The following CFAP47 variants were observed in gnomAD, a reference collection of about 807,000 sequenced individuals.
The protein encoded by CFAP47 is cilia and flagella associated protein 47, also known as cilia- and flagella-associated protein 47.
A neutral mutation model predicts 148.1 loss-of-function variants in CFAP47; 29 were observed. The observed-to-expected ratio is 0.20, with a 90% CI of 0.15 to 0.27. The LOEUF is 0.27. CFAP47 is among the 10% of genes least tolerant of loss of function. CFAP47 has a pLI of 1.00. For missense variants in CFAP47, 1,872 were observed against 1,697.5 expected (o/e 1.10, Z -1.81); for synonymous variants, 664 against 577.3 (o/e 1.15, Z -2.15).
intron 60 of CFAP47, among the ~76,000 whole-genome samples, chrX:36,355,563 G>A (rs6632583): frequency 0.11 from 11,865 of 111,299 alleles, 519 homozygotes; most frequent in East Asian, 0.26. Flanking sequence ...ATTCTATAAT[G>A]TGCAATATCA....
chrX:36,158,654 G>T (rs773541763), intron 37 of CFAP47, among the ~76,000 whole-genome samples: 1 of 112,091 alleles, frequency 8.9e-6, no homozygotes, highest in East Asian at 2.8e-4. Context: ...AAACTGTCTG[G>T]TGACAGTCTC....
chrX:36,180,305 A>G (rs755772285), intron 40 of CFAP47, among the ~76,000 whole-genome samples: 3 of 112,278 alleles, frequency 2.7e-5, no homozygotes, highest in South Asian at 3.7e-4. Flanking sequence ...GAATCACTAT[A>G]TAAAGTTAAG....
intron 2 of CFAP47, among the ~76,000 whole-genome samples, chrX:35,940,909 T>G (rs149029658): frequency 1.2e-4 from 13 of 111,535 alleles, no homozygotes; most frequent in Admixed American, 3.8e-4. Flanking sequence ...GGAAAATAAA[T>G]TGTACTTACA....
At chrX:35,941,151 AC>A (rs1457685361) in intron 2 of CFAP47, 131 bp from the exon 3 acceptor site, 1 of 371,652 alleles carries the variant, frequency 2.7e-6, no homozygotes, top group African/African-American at 2.7e-5. Flanking sequence ...CAAACATGCC[AC>A]CAGTAGACCT....
At chrX:36,171,008 A>G (rs1360217253) in intron 39 of CFAP47, among the ~76,000 whole-genome samples, 1 of 110,702 alleles carries the variant, frequency 9.0e-6, no homozygotes, top group Non-Finnish European at 1.9e-5. Flanking sequence ...GTGAAATGGT[A>G]TCTCATTGTG....
intron 49 of CFAP47, among the ~76,000 whole-genome samples, chrX:36,262,475 T>G (rs1243826218): frequency 8.9e-6 from 1 of 112,234 alleles, no homozygotes; most frequent in African/African-American, 3.2e-5. Flanking sequence ...ATGTTTGTCT[T>G]TCTGTGCCTG....
chrX:36,342,591 C>T (rs1941662939), intron 57 of CFAP47, among the ~76,000 whole-genome samples: 1 of 110,581 alleles, frequency 9.0e-6, no homozygotes, highest in South Asian at 3.7e-4. Context: ...ATGAAGCTAG[C>T]ATTTCAAATT....
At chrX:36,169,036 T>C (rs979092756) in intron 39 of CFAP47, among the ~76,000 whole-genome samples, 2 of 111,672 alleles carry the variant, frequency 1.8e-5, no homozygotes, top group East Asian at 5.6e-4. Flanking sequence ...GGAGAGTTTT[T>C]TCTGTATACA....
chrX:35,955,281 T>C (rs867665572), intron 7 of CFAP47, among the ~76,000 whole-genome samples: 99 of 112,239 alleles, frequency 8.8e-4, no homozygotes, highest in African/African-American at 3.2e-3. Context: ...TTTTGGTTGC[T>C]AAGGCAAAAA....
Position 36,301,187 on chromosome X carries a change from C to G in CFAP47, c.7970+8C>G. 1 of 1,014,453 alleles carries G rather than the reference C, an allele frequency of 9.9e-7. No homozygotes were observed. The highest frequency in any genetic ancestry group is 1.3e-6 in the Non-Finnish European group (1 of 741,254). The allele number at this position is 1,014,453 out of a possible 1,213,427, so 83.6% of individuals were successfully genotyped here. ...ACAGTGCGACCTTGGCAAGTAAGTTCTACTTAATAGATAAAGTTATTGCTT... is the reference window on the plus strand; with the variant it reads ...ACAGTGCGACCTTGGCAAGTAAGTTGTACTTAATAGATAAAGTTATTGCTT... On this transcript the variant is annotated splice_region_variant and intron_variant, in intron 53 of 63. Transcript: ENST00000378653.
intron 11 of CFAP47, among the ~76,000 whole-genome samples, chrX:35,971,182 T>C (rs1318557402): frequency 5.4e-5 from 6 of 111,978 alleles, no homozygotes; most frequent in Non-Finnish European, 1.1e-4. Context: ...GAGTGTGTGC[T>C]CTCGGGAGAA....
At chrX:35,946,839 TTAAG>T (rs1347017288) in intron 3 of CFAP47, among the ~76,000 whole-genome samples, 1 of 111,738 alleles carries the variant, frequency 8.9e-6, no homozygotes, top group African/African-American at 3.3e-5. Flanking sequence ...TGGCCATACT[TTAAG>T]TACTGCTTAG....
chrX:36,174,459 G>T lies in CFAP47; in HGVS notation c.6027-4886G>T, dbSNP rs367652432. Among the ~76,000 whole-genome samples, 409 of 105,608 alleles carry T rather than the reference G, an allele frequency of 3.9e-3. 4 individuals carry two copies. The highest frequency in any genetic ancestry group is 0.013 in the African/African-American group (367 of 28,036). The allele number at this position is 105,608 out of a possible 115,157, so 91.7% of individuals were successfully genotyped here. ...GGTACCGGTTGTTCCTTTCCATGTT[G>T]AGTGCTTCCTTCAGGAGCTCTTTTA... On this transcript the variant is annotated intron_variant, in intron 39 of 63. Coordinates refer to ENST00000378653, the MANE Select transcript of CFAP47 (RefSeq NM_001304548.2).
intron 59 of CFAP47, among the ~76,000 whole-genome samples, chrX:36,350,690 TTA>T (rs201473669): frequency 0.018 from 1,861 of 102,684 alleles, 40 homozygotes; most frequent in African/African-American, 0.063. Context: ...TATTATTTAT[TTA>T]TTTTTTTTTT....
At chrX:36,185,610 G>A (rs923666570) in intron 40 of CFAP47, among the ~76,000 whole-genome samples, 7 of 112,138 alleles carry the variant, frequency 6.2e-5, no homozygotes, top group Non-Finnish European at 1.1e-4. Context: ...TAAGGATTAA[G>A]ACTATCTTAG....
chrX:36,000,136 G>C (rs888575012), intron 19 of CFAP47, 147 bp from the exon 20 acceptor site: 7 of 239,096 alleles, frequency 2.9e-5, no homozygotes, highest in Non-Finnish European at 4.4e-5. Context: ...TAGAGGAGGT[G>C]GGGGAGAGGA....
rs1188987905 is a variant in CFAP47 at position 35,960,380 on chromosome X, G to GAAAAAAAAAAAAAAAAAAAAAA, written c.1410+4190_1410+4211dup. Among the ~76,000 whole-genome samples, 11 of 15,482 alleles carry GAAAAAAAAAAAAAAAAAAAAAA rather than the reference G, an allele frequency of 7.1e-4. 2 individuals are homozygous for GAAAAAAAAAAAAAAAAAAAAAA. The highest frequency in any genetic ancestry group is 4.9e-3 in the East Asian group (2 of 405). 13.4% of individuals were successfully genotyped at this position (15,482 alleles called of 115,157 possible). A position where few individuals can be genotyped will look rare whatever the true frequency, so the allele number is the denominator to read the frequency against. On this transcript the variant is annotated intron_variant, in intron 8 of 63. Transcript: ENST00000378653. ...CTTTAACATTAGCTTGCTAATTTCT[G>GAAAAAAAAAAAAAAAAAAAAAA]AAAAAAAAAAAAAAAAAAAAAAAAA...
chrX:35,993,456 ATTCT>A lies in CFAP47; in HGVS notation c.3099+141_3099+144del, dbSNP rs200837629. On this transcript the variant is annotated intron_variant, in intron 18 of 63. Coordinates refer to ENST00000378653, the MANE Select transcript of CFAP47 (RefSeq NM_001304548.2). ...GTTTATTATTAGAAAACTTGTTTTAATTCTTTCTTCTATTGGGAATGGGATTTAA... is the reference window on the plus strand; with the variant it reads ...GTTTATTATTAGAAAACTTGTTTTAATTCTTCTATTGGGAATGGGATTTAA... 1,417 of 258,315 alleles carry A rather than the reference ATTCT, an allele frequency of 5.5e-3. 19 individuals carry two copies. Among genetic ancestry groups the A allele is most frequent in the African/African-American group, 0.037 (1,308 of 35,552 alleles). 21.3% of individuals were successfully genotyped at this position (258,315 alleles called of 1,213,427 possible).
intron 1 of CFAP47, among the ~76,000 whole-genome samples, chrX:35,924,518 T>C (rs186588757): frequency 7.7e-5 from 8 of 103,528 alleles, no homozygotes; most frequent in Admixed American, 9.9e-5. Flanking sequence ...CACATATATG[T>C]GTATATATGC....
Sources: gnomAD v4.1 joint callset for allele counts (sites outside exome capture counted in the v4.1 genomes callset) on GRCh38, gnomAD v4.1.1 for gene constraint, MANE v1.5 for transcripts, NCBI Gene and HGNC (gene_info 2026-07-23, HGNC 2026-07-21) for gene names.